Variants in PHEX observed in about 807,000 individuals in gnomAD.
PHEX encodes phosphate regulating endopeptidase X-linked, also known as phosphate-regulating neutral endopeptidase PHEX.
Under a neutral mutation model 68.0 loss-of-function variants are expected in PHEX, and 16 were observed. The observed-to-expected ratio is 0.24, with a 90% CI of 0.16 to 0.36. PHEX has a LOEUF of 0.36. Among genes scored for constraint, PHEX ranks in the 10% least tolerant of loss-of-function variants. The pLI is 1.00. For synonymous variants in PHEX, 208 were observed against 205.1 expected (o/e 1.01, Z -0.12); for missense variants, 480 against 575.5 (o/e 0.83, Z 1.70).
intron 4 of PHEX, 85 bp downstream of exon 4, chrX:22,076,559 A>G (rs1929162912): frequency 3.2e-6 from 2 of 626,015 alleles, no homozygotes; most frequent in South Asian, 4.8e-5. Flanking sequence ...TGTTTGAGGA[A>G]GAAGAGAACT....
chrX:22,224,995 C>CATACAGCGCTGTATGATTGATT (rs1569433299), intron 18 of PHEX, among the ~76,000 whole-genome samples: 2 of 3,203 alleles, frequency 6.2e-4, no homozygotes, highest in Non-Finnish European at 6.3e-4. Flanking sequence ...CTCTGTATGT[C>CATACAGCGCTGTATGATTGATT]AGAAGTCTGA....
chrX:22,128,383 A>C (rs1286326056), intron 11 of PHEX, among the ~76,000 whole-genome samples: 3 of 111,148 alleles, frequency 2.7e-5, no homozygotes, highest in Admixed American at 9.7e-5. Flanking sequence ...TTCAAAATGC[A>C]TTAAATTTTA....
chrX:22,216,246 C>G (rs747762430), intron 16 of PHEX, among the ~76,000 whole-genome samples: 18 of 111,860 alleles, frequency 1.6e-4, no homozygotes, highest in Non-Finnish European at 3.4e-4. Flanking sequence ...ACAGCCCTTA[C>G]TTGATAACAG....
rs769783976 is a variant in PHEX at position 22,211,533 on chromosome X, G to A, written c.1646-1371G>A. ...TTTGTATTTTGTAGCTTGTATGTGC[G>A]TATGTATTTTGTTCTTACCAGCATG... On this transcript the variant is annotated intron_variant, in intron 15 of 21. Transcript: ENST00000379374. Among the ~76,000 whole-genome samples, 12 of 112,241 alleles carry A rather than the reference G, an allele frequency of 1.1e-4. No homozygotes were observed. In the South Asian group the frequency reaches 1.5e-3, roughly 14 times the overall value.
intron 14 of PHEX, among the ~76,000 whole-genome samples, chrX:22,186,013 C>T (rs1228141686): frequency 9.0e-6 from 1 of 111,083 alleles, no homozygotes; most frequent in Non-Finnish European, 1.9e-5. Flanking sequence ...ACCTCAGCCT[C>T]CCAAAGTGCT....
At chrX:22,217,662 A>C (rs1268527820) in intron 16 of PHEX, among the ~76,000 whole-genome samples, 1 of 111,764 alleles carries the variant, frequency 8.9e-6, no homozygotes, top group Admixed American at 9.5e-5. Context: ...ATTCTCATCC[A>C]CAGGTTGAAT....
At chrX:22,237,459 T>C (rs982431465) in intron 20 of PHEX, among the ~76,000 whole-genome samples, 1 of 111,715 alleles carries the variant, frequency 9.0e-6, no homozygotes, top group Non-Finnish European at 1.9e-5. Context: ...CTAATCCTTC[T>C]ACTTCTTTCC....
intron 15 of PHEX, among the ~76,000 whole-genome samples, chrX:22,207,635 G>T (rs926686349): frequency 9.1e-6 from 1 of 110,331 alleles, no homozygotes; most frequent in Non-Finnish European, 1.9e-5. Flanking sequence ...GAAATAGGAG[G>T]TTTTTTATAC....
chrX:22,184,806 G>A (rs755927670), intron 14 of PHEX, among the ~76,000 whole-genome samples: 114 of 111,951 alleles, frequency 1.0e-3, no homozygotes, highest in Non-Finnish European at 1.6e-3. Context: ...TCTATCTTTT[G>A]AAAAATATGT....
At position 22,115,832 on chromosome X, in the gene PHEX, C is replaced by T. The variant is rs7883589; in HGVS notation, c.1302+1246C>T. The stretch of plus-strand genomic sequence containing the variant: ...TTGTGTGGTACACACATGCACACAT[C>T]GCAGTTTCCTTATGTATTTATCCAT... On this transcript the variant is annotated intron_variant, in intron 11 of 21. Coordinates refer to ENST00000379374, the MANE Select transcript of PHEX (RefSeq NM_000444.6). 3.2e-3 allele frequency among the ~76,000 whole-genome samples: 360 copies of T among 112,234 alleles called. 2 individuals are homozygous for T. The highest frequency in any genetic ancestry group is 0.01 in the African/African-American group (316 of 30,917).
At chrX:22,212,162 A>G (rs1216352504) in intron 15 of PHEX, among the ~76,000 whole-genome samples, 1 of 112,131 alleles carries the variant, frequency 8.9e-6, no homozygotes, top group Non-Finnish European at 1.9e-5. Flanking sequence ...CATGTTTCTT[A>G]GAATGCCACT....
chrX:22,084,375 A>G (rs913148836), intron 5 of PHEX, among the ~76,000 whole-genome samples: 2 of 111,043 alleles, frequency 1.8e-5, no homozygotes, highest in African/African-American at 6.5e-5. Context: ...TTTTTCATGT[A>G]TTGTTGAATT....
In PHEX at chrX:22,220,441, C is replaced by A. The variant is rs140382257; in HGVS notation, c.1769-1172C>A. 3.2e-3 allele frequency among the ~76,000 whole-genome samples: 360 copies of A among 111,239 alleles called. 1 individual carries two copies. Among genetic ancestry groups the A allele is most frequent in the African/African-American group, 0.011 (348 of 30,554 alleles). ...ATGTGGCTGACTTGTAGTTATCTGA[C>A]TCTGCAGAGCTAGACTTTCTGCCTT... On this transcript the variant is annotated intron_variant, in intron 17 of 21. Coordinates refer to ENST00000379374, the MANE Select transcript of PHEX (RefSeq NM_000444.6).
chrX:22,180,952 A>C (rs1397734516), intron 14 of PHEX, among the ~76,000 whole-genome samples: 1 of 111,989 alleles, frequency 8.9e-6, no homozygotes, highest in Non-Finnish European at 1.9e-5. Context: ...TTTATGGCTT[A>C]ATTGTACTCC....
intron 14 of PHEX, among the ~76,000 whole-genome samples, chrX:22,183,482 T>C (rs965707132): frequency 8.4e-5 from 9 of 106,729 alleles, no homozygotes; most frequent in Admixed American, 3.0e-4. Context: ...TTTGCTCCAC[T>C]GTCTTTGGTT....
At position 22,236,916 on chromosome X, in the gene PHEX, C is replaced by A. The variant is rs531847835; in HGVS notation, c.2071-8417C>A. 2.6e-4 allele frequency among the ~76,000 whole-genome samples: 29 copies of A among 112,311 alleles called. No individual in the cohort carries two copies. In the South Asian group the frequency reaches 9.5e-3, roughly 37 times the overall value. Reference sequence around the variant, plus strand: ...AAATGTTTCCAGATATAATACCAAACTAAACTATAGCTGACTGATTTATTG... The same window carrying A: ...AAATGTTTCCAGATATAATACCAAAATAAACTATAGCTGACTGATTTATTG... On this transcript the variant is annotated intron_variant, in intron 20 of 21. Coordinates refer to ENST00000379374, the MANE Select transcript of PHEX (RefSeq NM_000444.6).
intron 3 of PHEX, among the ~76,000 whole-genome samples, chrX:22,053,652 T>A (rs1569371616): frequency 8.9e-6 from 1 of 111,872 alleles, no homozygotes. Flanking sequence ...TGAGCACTTA[T>A]GAAACATGAG....
Position 22,032,859 on chromosome X carries a change from C to T in PHEX, c.-147C>T, listed in dbSNP as rs1428359254. On this transcript the variant is annotated 5_prime_UTR_variant, in exon 1 of 22. Transcript: ENST00000379374. Reference sequence around the variant, plus strand: ...TGAAGAATTATTTGAGAAAGGGTGGCGAGGGGAGATTTCCTGACGGCAGTT... The same window carrying T: ...TGAAGAATTATTTGAGAAAGGGTGGTGAGGGGAGATTTCCTGACGGCAGTT... 5.6e-6 allele frequency: 3 copies of T among 531,970 alleles called. No homozygotes were observed. The highest frequency in any genetic ancestry group is 1.0e-5 in the Non-Finnish European group (3 of 292,702). 43.8% of individuals were successfully genotyped at this position (531,970 alleles called of 1,213,427 possible). A position where few individuals can be genotyped will look rare whatever the true frequency, so the allele number is the denominator to read the frequency against.
intron 19 of PHEX, among the ~76,000 whole-genome samples, chrX:22,227,144 C>T (rs973039973): frequency 8.9e-6 from 1 of 112,435 alleles, no homozygotes; most frequent in Non-Finnish European, 1.9e-5. Context: ...TTTTCTCTTA[C>T]GTGTCAAAAT....
Sources: allele counts gnomAD v4.1 joint callset (sites outside exome capture counted in the v4.1 genomes callset), GRCh38; gene constraint gnomAD v4.1.1; transcripts MANE v1.5; gene names NCBI Gene and HGNC (gene_info 2026-07-23, HGNC 2026-07-21).